The following MAF variants were observed in gnomAD, a reference collection of about 807,000 sequenced individuals.
The protein encoded by MAF is transcription factor Maf.
In MAF, 10 loss-of-function variants were observed where a neutral mutation model predicts 22.0. The ratio of observed to expected loss-of-function variants is 0.45; its 90% CI spans 0.28 to 0.77. The LOEUF is 0.77. Ranked by LOEUF, MAF falls within the 30% of genes least tolerant of loss-of-function variation. The pLI is 0.12. For missense variants in MAF, 544 were observed against 548.4 expected (o/e 0.99, Z 0.08); for synonymous variants, 337 against 255.8 (o/e 1.32, Z -3.03).
At chr16:79,555,989 T>A in the MAF span, among the ~76,000 whole-genome samples, 1 of 151,638 alleles carries the variant, frequency 6.6e-6, no homozygotes, top group African/African-American at 2.4e-5. Context: ...TTCGTTTAGT[T>A]TAGTGATGTT....
At chr16:79,302,960 A>G in the MAF span, among the ~76,000 whole-genome samples, 1 of 152,228 alleles carries the variant, frequency 6.6e-6, no homozygotes, top group East Asian at 1.9e-4. Flanking sequence ...CAACAAACAA[A>G]AGCCTAATGA....
chr16:79,458,689 G>A, the MAF span, among the ~76,000 whole-genome samples: 4 of 152,160 alleles, frequency 2.6e-5, no homozygotes, highest in African/African-American at 9.7e-5. Flanking sequence ...AAAATAATAG[G>A]CATGTTTTTT....
the MAF span, among the ~76,000 whole-genome samples, chr16:79,456,774 A>G: frequency 1.3e-5 from 2 of 152,194 alleles, no homozygotes; most frequent in Non-Finnish European, 2.9e-5. Context: ...CTCTCAGTGA[A>G]GTGGTCTATT....
the MAF span, among the ~76,000 whole-genome samples, chr16:79,301,082 C>T: frequency 6.6e-6 from 1 of 152,094 alleles, no homozygotes; most frequent in African/African-American, 2.4e-5. Flanking sequence ...CAAGCGGAGT[C>T]TCAACAAAGA....
chr16:79,398,706 C>CT, the MAF span, among the ~76,000 whole-genome samples: 1 of 152,028 alleles, frequency 6.6e-6, no homozygotes, highest in Admixed American at 6.6e-5. Context: ...CTTGACCTCC[C>CT]CATCCATAAT....
the MAF span, among the ~76,000 whole-genome samples, chr16:79,293,907 A>G: frequency 2.0e-5 from 3 of 152,106 alleles, no homozygotes; most frequent in African/African-American, 7.2e-5. Context: ...TCTATCTGAG[A>G]ATGTGATCAG....
At chr16:79,538,382 C>A in the MAF span, among the ~76,000 whole-genome samples, 1 of 152,118 alleles carries the variant, frequency 6.6e-6, no homozygotes, top group Non-Finnish European at 1.5e-5. Context: ...AAGCCAGCAT[C>A]TGATGTGAAA....
At chr16:79,269,527 G>A in the MAF span, among the ~76,000 whole-genome samples, 3 of 151,990 alleles carry the variant, frequency 2.0e-5, no homozygotes, top group Non-Finnish European at 2.9e-5. Context: ...TTGTCACCAG[G>A]CTTTAAAAAA....
chr16:79,282,893 G>T, the MAF span, among the ~76,000 whole-genome samples: 4 of 152,116 alleles, frequency 2.6e-5, no homozygotes, highest in African/African-American at 7.2e-5. Flanking sequence ...AATCCAAAGG[G>T]TCCTATTTGC....
At chr16:79,256,338 G>A in the MAF span, among the ~76,000 whole-genome samples, 10 of 152,072 alleles carry the variant, frequency 6.6e-5, no homozygotes, top group South Asian at 1.5e-3. Context: ...GGGATAAATC[G>A]AGCAGGTAGA....
chr16:79,381,197 C>G, the MAF span, among the ~76,000 whole-genome samples: 3 of 152,252 alleles, frequency 2.0e-5, no homozygotes, highest in Admixed American at 1.3e-4. Flanking sequence ...CCCTACAAAT[C>G]ATGTGACTTC....
chr16:79,522,587 A>C, the MAF span, among the ~76,000 whole-genome samples: 2 of 152,208 alleles, frequency 1.3e-5, no homozygotes, highest in Non-Finnish European at 2.9e-5. Flanking sequence ...TTGGGAGTTT[A>C]CACTCAAGCC....
chr16:79,490,854 C>A, the MAF span, among the ~76,000 whole-genome samples: 2 of 152,116 alleles, frequency 1.3e-5, no homozygotes, highest in African/African-American at 4.8e-5. Context: ...TCATGTTCCC[C>A]AGAAATGGGC....
chr16:79,316,644 C>A, the MAF span, among the ~76,000 whole-genome samples: 1 of 152,144 alleles, frequency 6.6e-6, no homozygotes, highest in Non-Finnish European at 1.5e-5. Flanking sequence ...TCCAGCATGC[C>A]AAGATATGCC....
At chr16:79,260,854 CT>C in the MAF span, among the ~76,000 whole-genome samples, 2 of 151,900 alleles carry the variant, frequency 1.3e-5, no homozygotes, top group Non-Finnish European at 2.9e-5. Context: ...AAGTTGAGTT[CT>C]TTTAAAGAAA....
At chr16:79,242,034 T>G in the MAF span, among the ~76,000 whole-genome samples, 37 of 152,026 alleles carry the variant, frequency 2.4e-4, no homozygotes, top group African/African-American at 8.9e-4. Context: ...CAAGAGCTCC[T>G]GAAGGAAGCA....
chr16:79,379,364 C>G, the MAF span, among the ~76,000 whole-genome samples: 13,692 of 152,178 alleles, frequency 0.09, 1,743 homozygotes, highest in African/African-American at 0.28. Flanking sequence ...TGACAGTCTA[C>G]TTTGCAGTTG....
the MAF span, among the ~76,000 whole-genome samples, chr16:79,255,502 A>G: frequency 4.6e-5 from 7 of 152,234 alleles, no homozygotes; most frequent in Admixed American, 3.3e-4. Context: ...CCATGCTTTT[A>G]TATTTAGGCA....
the MAF span, among the ~76,000 whole-genome samples, chr16:79,493,989 C>T: frequency 3.3e-5 from 5 of 151,700 alleles, no homozygotes; most frequent in East Asian, 5.8e-4. Flanking sequence ...AAAAAACCCA[C>T]GATTTATGAT....
Sources: gnomAD v4.1 joint callset for allele counts (sites outside exome capture counted in the v4.1 genomes callset) on GRCh38, gnomAD v4.1.1 for gene constraint, MANE v1.5 for transcripts, NCBI Gene and HGNC (gene_info 2026-07-23, HGNC 2026-07-21) for gene names.